Variants in RNF32 observed in about 807,000 individuals in gnomAD.
The protein encoded by RNF32 is ring finger protein 32.
A neutral mutation model predicts 41.0 loss-of-function variants in RNF32; 36 were observed. The ratio of observed to expected loss-of-function variants is 0.88; its 90% CI spans 0.67 to 1.16. The LOEUF is 1.16. Among genes scored for constraint, RNF32 ranks in the 50% most tolerant of loss-of-function variants. The pLI is 0.00. For synonymous variants in RNF32, 154 were observed against 160.9 expected (o/e 0.96, Z 0.32); for missense variants, 413 against 436.7 (o/e 0.95, Z 0.48).
chr7:156,654,827 C>G, intron 4 of RNF32, 109 bp downstream of exon 4: 1 of 986,630 alleles, frequency 1.0e-6, no homozygotes, highest in Non-Finnish European at 1.5e-6. Context: ...TTTCATCCTC[C>G]TGTGTGAGCC....
In RNF32 at chr7:156,644,428, A is replaced by G. The variant is rs1797734587; in HGVS notation, c.16-71A>G. ...ATGTGCCATCAAGGTTGAGTATTGA[A>G]GCCTCAGTTCTCTTCTAAATGATAT... On this transcript the variant is annotated intron_variant, in intron 2 of 8. Transcript: ENST00000317955. 5 of 1,190,256 alleles carry G rather than the reference A, an allele frequency of 4.2e-6. No individual in the cohort carries two copies. In the Admixed American group the frequency reaches 1.0e-4, roughly 25 times the overall value. The allele number at this position is 1,190,256 out of a possible 1,614,324, so 73.7% of individuals were successfully genotyped here. A position where few individuals can be genotyped will look rare whatever the true frequency, so the allele number is the denominator to read the frequency against.
intron 1 of RNF32, among the ~76,000 whole-genome samples, chr7:156,642,555 C>T (rs991514571): frequency 6.6e-6 from 1 of 152,366 alleles, no homozygotes; most frequent in Admixed American, 6.5e-5. Context: ...TGTGTGAATA[C>T]CGTATGCTTT....
Position 156,660,197 on chromosome 7 carries a change from A to C in RNF32, c.684+1627A>C, listed in dbSNP as rs931546960. The C allele has an allele frequency of 4.1e-6, 4 of 985,448 alleles. No homozygotes were observed. In the African/African-American group the frequency reaches 5.2e-5, roughly 13 times the overall value. The allele number at this position is 985,448 out of a possible 1,614,324, so 61.0% of individuals were successfully genotyped here. On this transcript the variant is annotated intron_variant, in intron 7 of 8. Transcript: ENST00000317955. ...GCCCCCGCATGTCCTGCCCGTTCCTACTGGTTCCCTCTGCCTTGCTTAAAA... is the reference window on the plus strand; with the variant it reads ...GCCCCCGCATGTCCTGCCCGTTCCTCCTGGTTCCCTCTGCCTTGCTTAAAA...
intron 7 of RNF32, among the ~76,000 whole-genome samples, chr7:156,672,743 C>A (rs189061677): frequency 6.9e-4 from 105 of 152,318 alleles, no homozygotes; most frequent in Non-Finnish European, 1.3e-3. Flanking sequence ...TTATATGTGG[C>A]CCGCACACTT....
chr7:156,646,601 A>T, intron 3 of RNF32: 1 of 864,810 alleles, frequency 1.2e-6, no homozygotes, highest in South Asian at 1.5e-5. Context: ...AACCCAGTAC[A>T]TCAAGTATGT....
In RNF32 at chr7:156,644,596, A is replaced by T. The variant is rs767252578; in HGVS notation, c.113A>T (p.Asp38Val). 5 of 1,613,566 alleles carry T rather than the reference A, an allele frequency of 3.1e-6. No homozygotes were observed. The Middle Eastern group carries it at 5.0e-4, about 161-fold the overall frequency. ...CAACTTCGAAATCTTTCAGTTGCAG[A>T]TCATTCTAAGACACAAGTACAAAAG... ...DLQLRNLSVADHSKTQVQKKE... is the reference protein window; with the variant it reads ...DLQLRNLSVAVHSKTQVQKKE... The change falls in exon 3 of 9, where the codon GAT (aspartate) becomes GTT (valine). Residue 38 changes from aspartate to valine, a missense_variant. Physicochemically the swap from Asp to Val is radical, Grantham distance 152. Transcript: ENST00000317955.
intron 3 of RNF32, chr7:156,654,154 C>T (rs76972765): frequency 0.018 from 2,803 of 152,214 alleles, 87 homozygotes; most frequent in African/African-American, 0.065. Context: ...CATTTGTATC[C>T]GTGGGTTTGG....
chr7:156,675,150 C>T (rs977565804), intron 7 of RNF32, among the ~76,000 whole-genome samples: 3 of 152,200 alleles, frequency 2.0e-5, no homozygotes, highest in South Asian at 4.1e-4. Context: ...GAAGGGGCAG[C>T]GGAGACCCGA....
intron 3 of RNF32, among the ~76,000 whole-genome samples, chr7:156,653,763 C>A (rs1394607267): frequency 6.6e-6 from 1 of 152,150 alleles, no homozygotes; most frequent in Non-Finnish European, 1.5e-5. Flanking sequence ...TGGTGGGTAC[C>A]CACGTGTTAT....
chr7:156,642,027 ACGC>A (rs1797409812), intron 1 of RNF32, among the ~76,000 whole-genome samples: 1 of 152,162 alleles, frequency 6.6e-6, no homozygotes, highest in Non-Finnish European at 1.5e-5. Context: ...CTCTCCACTC[ACGC>A]CTTAGTGAGT....
At chr7:156,650,354 T>C (rs548025150) in intron 3 of RNF32, among the ~76,000 whole-genome samples, 9 of 152,272 alleles carry the variant, frequency 5.9e-5, no homozygotes, top group East Asian at 1.9e-4. Flanking sequence ...TGCCCATTGA[T>C]AGTCTAAAAA....
intron 7 of RNF32, among the ~76,000 whole-genome samples, chr7:156,664,127 A>G (rs1801019308): frequency 6.6e-6 from 1 of 152,208 alleles, no homozygotes. Flanking sequence ...ACATTGCGTG[A>G]TTGCCACCGT....
At chr7:156,672,934 C>G (rs1802887662) in intron 7 of RNF32, among the ~76,000 whole-genome samples, 1 of 152,248 alleles carries the variant, frequency 6.6e-6, no homozygotes, top group Non-Finnish European at 1.5e-5. Context: ...GCCTCAGAAT[C>G]ACCTGGAGGG....
chr7:156,640,205 CGGGGGGATCGGG>C (rs1563059608), upstream of RNF32: 3 of 453,540 alleles, frequency 6.6e-6, no homozygotes, highest in East Asian at 2.1e-4. Flanking sequence ...CTGAGCGGCG[CGGGGGGATCGGG>C]GGATCCCCCA....
chr7:156,665,303 G>A (rs1801197663), intron 7 of RNF32, among the ~76,000 whole-genome samples: 3 of 152,136 alleles, frequency 2.0e-5, no homozygotes, highest in South Asian at 4.2e-4. Context: ...GCGTAGTATG[G>A]GAAGCCACCC....
chr7:156,649,205 G>A (rs1339955131), intron 3 of RNF32, among the ~76,000 whole-genome samples: 1 of 151,776 alleles, frequency 6.6e-6, no homozygotes, highest in Non-Finnish European at 1.5e-5. Context: ...AATTCTGCTG[G>A]AGATTTTTTT....
intron 4 of RNF32, 120 bp downstream of exon 4, chr7:156,654,838 T>A: frequency 1.2e-6 from 1 of 839,644 alleles, no homozygotes. Flanking sequence ...TGTGTGAGCC[T>A]CACACACTTC....
upstream of RNF32, chr7:156,640,306 C>T (rs1797107679): frequency 2.2e-6 from 1 of 450,488 alleles, no homozygotes; most frequent in Non-Finnish European, 4.4e-6. Flanking sequence ...ACAGCCACCG[C>T]AGGGAAACAA....
chr7:156,658,943 T>G lies in RNF32; in HGVS notation c.684+373T>G, dbSNP rs1800168466. ...AAGACATCTGCTGCACATCTCATAG[T>G]AATGAAAATAGAAGCTGCCTATAAA... On this transcript the variant is annotated intron_variant, in intron 7 of 8. Coordinates refer to ENST00000317955, the MANE Select transcript of RNF32 (RefSeq NM_030936.4). 2.0e-6 allele frequency: 3 copies of G among 1,524,002 alleles called. No homozygotes were observed. The East Asian group carries it at 7.4e-5, about 37-fold the overall frequency. The allele number at this position is 1,524,002 out of a possible 1,614,324, so 94.4% of individuals were successfully genotyped here. A position where few individuals can be genotyped will look rare whatever the true frequency, so the allele number is the denominator to read the frequency against.
Sources: gnomAD v4.1 joint callset for allele counts (sites outside exome capture counted in the v4.1 genomes callset) on GRCh38, gnomAD v4.1.1 for gene constraint, MANE v1.5 for transcripts, NCBI Gene and HGNC (gene_info 2026-07-23, HGNC 2026-07-21) for gene names.